ZCCHC2: variants seen among roughly 807,000 people sequenced by gnomAD.
ZCCHC2 encodes the protein zinc finger CCHC-type containing 2.
In ZCCHC2, 39 loss-of-function variants were observed where a neutral mutation model predicts 103.6. That is an observed-to-expected ratio of 0.38 (90% confidence interval 0.29 to 0.49). The LOEUF is 0.49. Among genes scored for constraint, ZCCHC2 ranks in the 20% least tolerant of loss-of-function variants. The pLI is 0.96. For missense variants in ZCCHC2, 1,483 were observed against 1,491.0 expected (o/e 0.99, Z 0.09); for synonymous variants, 687 against 608.9 (o/e 1.13, Z -1.89).
chr18:62,574,685 C>G lies in ZCCHC2; in HGVS notation c.2604C>G (p.Ile868Met), dbSNP rs1449048333. 6.2e-7 allele frequency: 1 copy of G among 1,614,028 alleles called. No homozygotes were observed. The highest frequency in any genetic ancestry group is 8.5e-7 in the Non-Finnish European group (1 of 1,179,900). ...PGSPVATTDP[I>M]TKSASQVVGL... ...CTCCTGTTGCTACCACGGACCCCATCACAAAATCTGCATCCCAAGTGGTAG... is the reference window on the plus strand; with the variant it reads ...CTCCTGTTGCTACCACGGACCCCATGACAAAATCTGCATCCCAAGTGGTAG... The change falls in exon 13 of 14, where the codon ATC becomes ATG. Residue 868 changes from isoleucine to methionine, a missense_variant. Coordinates refer to ENST00000269499, the MANE Select transcript of ZCCHC2 (RefSeq NM_017742.6).
intron 1 of ZCCHC2, among the ~76,000 whole-genome samples, chr18:62,532,760 G>T (rs1598930339): frequency 6.6e-6 from 1 of 152,226 alleles, no homozygotes; most frequent in African/African-American, 2.4e-5. Context: ...CTCAGGCCAG[G>T]TGTGGTGGCT....
chr18:62,569,291 C>T (rs942775536), intron 11 of ZCCHC2, among the ~76,000 whole-genome samples: 11 of 152,068 alleles, frequency 7.2e-5, no homozygotes, highest in East Asian at 3.8e-4. Context: ...ATATTTTGCC[C>T]GTGCAATTAA....
intron 3 of ZCCHC2, among the ~76,000 whole-genome samples, chr18:62,543,635 C>T (rs771333582): frequency 1.3e-5 from 2 of 152,160 alleles, no homozygotes; most frequent in Non-Finnish European, 2.9e-5. Flanking sequence ...TTCCCCAGAC[C>T]GAGGACAGGC....
At chr18:62,573,436 A>G (rs938210692) in intron 12 of ZCCHC2, among the ~76,000 whole-genome samples, 1 of 152,094 alleles carries the variant, frequency 6.6e-6, no homozygotes, top group Non-Finnish European at 1.5e-5. Flanking sequence ...TTTTGGAGAA[A>G]TTGCCACACT....
intron 1 of ZCCHC2, among the ~76,000 whole-genome samples, chr18:62,531,880 A>G (rs909412298): frequency 2.0e-5 from 3 of 151,874 alleles, no homozygotes; most frequent in Non-Finnish European, 2.9e-5. Flanking sequence ...GCTACTCAGA[A>G]GGCTGAGGTG....
chr18:62,549,889 G>T (rs1477607512), intron 4 of ZCCHC2, among the ~76,000 whole-genome samples: 3 of 152,234 alleles, frequency 2.0e-5, no homozygotes, highest in Non-Finnish European at 4.4e-5. Flanking sequence ...TTGCCTGAGA[G>T]TAAAACGTAA....
rs1317556223 is a variant in ZCCHC2 at position 62,523,524 on chromosome 18, C to T, written c.100C>T (p.Pro34Ser). Residue 34 changes from proline (P) to serine (S), a missense_variant, in exon 1 of 14, where the codon CCT becomes TCT. This residue lies in a region of ZCCHC2 where 568 missense variants were observed against 525.1 expected (regional missense o/e 1.08). Transcript: ENST00000269499. ...GGACGCGCGGCCGGGCGCGAAGGCG[C>T]CTTCGCGCCGCCGCCGCGACTGCCG... ...EADARPGAKA[P>S]SRRRRDCRPP... The T allele has an allele frequency of 2.1e-6, 2 of 965,080 alleles. No homozygotes were observed. The highest frequency in any genetic ancestry group is 2.4e-6 in the Non-Finnish European group (2 of 818,296). 59.8% of individuals were successfully genotyped at this position (965,080 alleles called of 1,614,324 possible).
chr18:62,562,856 T>C (rs1022657903), intron 8 of ZCCHC2, among the ~76,000 whole-genome samples, 153 bp from the exon 9 acceptor site: 5 of 152,244 alleles, frequency 3.3e-5, no homozygotes, highest in Non-Finnish European at 7.3e-5. Flanking sequence ...GGTTTATTTC[T>C]CATAGTATAC....
rs1914215267 is a variant in ZCCHC2, at chr18:62,524,088, G to A, written c.664G>A (p.Gly222Ser). 3 of 1,514,838 alleles carry A rather than the reference G, an allele frequency of 2.0e-6. No individual in the cohort carries two copies. The highest frequency in any genetic ancestry group is 2.6e-6 in the Non-Finnish European group (3 of 1,137,674). The allele number at this position is 1,514,838 out of a possible 1,614,324, so 93.8% of individuals were successfully genotyped here. A position where few individuals can be genotyped will look rare whatever the true frequency, so the allele number is the denominator to read the frequency against. ...GSRGGAEDER[G>S]EDGDGEQDAE... is the part of the protein sequence containing the mutation. ...GCGGGGCGGCGCGGAGGACGAGCGC[G>A]GCGAGGACGGCGACGGCGAGCAGGA... The change falls in exon 1 of 14, where the codon GGC (glycine) becomes AGC (serine). Residue 222 changes from glycine (G) to serine (S), a missense_variant. Around this residue, in one of 3 missense-constraint regions of ZCCHC2, gnomAD observed 568 missense variants for 525.1 expected, o/e 1.08. Coordinates refer to ENST00000269499, the MANE Select transcript of ZCCHC2 (RefSeq NM_017742.6).
intron 5 of ZCCHC2, among the ~76,000 whole-genome samples, chr18:62,555,219 T>C (rs1427446169): frequency 6.6e-6 from 1 of 152,226 alleles, no homozygotes; most frequent in East Asian, 1.9e-4. Context: ...TCCTGGTAGA[T>C]TCTGCTCTAA....
intron 7 of ZCCHC2, among the ~76,000 whole-genome samples, chr18:62,560,036 A>G (rs534255366): frequency 2.0e-5 from 3 of 152,366 alleles, no homozygotes; most frequent in South Asian, 2.1e-4. Context: ...TGTAACAGCT[A>G]ATGTGTTTAT....
chr18:62,544,349 A>G (rs542233546), intron 3 of ZCCHC2, among the ~76,000 whole-genome samples: 1 of 152,350 alleles, frequency 6.6e-6, no homozygotes, highest in East Asian at 1.9e-4. Flanking sequence ...CATAAATTCC[A>G]TAAAAATATG....
In ZCCHC2 at chr18:62,529,135, G is replaced by A. The variant is rs1327941833; in HGVS notation, c.939+4772G>A. Among the ~76,000 whole-genome samples the A allele has an allele frequency of 2.0e-5, 3 of 148,348 alleles. No homozygotes were observed. In the East Asian group the frequency reaches 5.8e-4, roughly 29 times the overall value. On this transcript the variant is annotated intron_variant, in intron 1 of 13. Transcript: ENST00000269499. Reference sequence around the variant, plus strand: ...AGATCACGCCACTGCACTCCAGCCTGGGTGACAGAGTGAGACAACGTCTCA... The same window carrying A: ...AGATCACGCCACTGCACTCCAGCCTAGGTGACAGAGTGAGACAACGTCTCA...
chr18:62,534,730 C>T (rs562083225), intron 1 of ZCCHC2, among the ~76,000 whole-genome samples: 12 of 152,308 alleles, frequency 7.9e-5, no homozygotes, highest in South Asian at 4.1e-4. Flanking sequence ...AAATGGGAGA[C>T]GGCATGGTCA....
chr18:62,558,809 T>TGATAGCA, intron 7 of ZCCHC2, 39 bp downstream of exon 7: 1 of 1,310,992 alleles, frequency 7.6e-7, no homozygotes, highest in South Asian at 1.4e-5. Context: ...TTCTGCCTGC[T>TGATAGCA]GATAGCACAT....
intron 8 of ZCCHC2, among the ~76,000 whole-genome samples, chr18:62,562,368 T>C (rs1318783961): frequency 6.6e-6 from 1 of 152,168 alleles, no homozygotes; most frequent in Non-Finnish European, 1.5e-5. Flanking sequence ...TAATCTGTTT[T>C]CTTCCGACCA....
intron 5 of ZCCHC2, among the ~76,000 whole-genome samples, chr18:62,553,385 T>G (rs1433911251): frequency 6.6e-6 from 1 of 152,158 alleles, no homozygotes; most frequent in Non-Finnish European, 1.5e-5. Flanking sequence ...TACGTCCATT[T>G]TAGTTGTTTC....
downstream of ZCCHC2, among the ~76,000 whole-genome samples, chr18:62,579,683 C>A (rs966013805): frequency 3.3e-5 from 5 of 152,150 alleles, no homozygotes; most frequent in Admixed American, 6.5e-5. Context: ...CCCCTTCCCC[C>A]ACTACACTAA....
rs181807495 is a variant in ZCCHC2 at position 62,562,373 on chromosome 18, C to T, written c.1551-636C>T. 4.7e-3 allele frequency among the ~76,000 whole-genome samples: 718 copies of T among 152,022 alleles called. 4 individuals are homozygous for T. Among genetic ancestry groups the T allele is most frequent in the African/African-American group, 0.016 (682 of 41,468 alleles). On this transcript the variant is annotated intron_variant, in intron 8 of 13. Transcript: ENST00000269499. ...CTCAGTGCTTTAATCTGTTTTCTTC[C>T]GACCAATTTTTTCTTCATTGATTTT...
Sources: gnomAD v4.1 joint callset for allele counts (sites outside exome capture counted in the v4.1 genomes callset) on GRCh38, gnomAD v4.1.1 for gene constraint, gnomAD v4.1.1 regional missense constraint, MANE v1.5 for transcripts, NCBI Gene and HGNC (gene_info 2026-07-23, HGNC 2026-07-21) for gene names.